Variants in ZPBP observed in about 807,000 individuals in gnomAD.
ZPBP encodes the protein zona pellucida-binding protein 1.
A neutral mutation model predicts 44.8 loss-of-function variants in ZPBP; 26 were observed. The observed-to-expected ratio is 0.58, with a 90% CI of 0.43 to 0.81. The LOEUF is 0.81. Among genes scored for constraint, ZPBP ranks in the 30% least tolerant of loss-of-function variants. ZPBP has a pLI of 0.00. For synonymous variants in ZPBP, 174 were observed against 153.2 expected (o/e 1.14, Z -1.00); for missense variants, 409 against 434.0 (o/e 0.94, Z 0.51).
At chr7:50,021,282 G>A (rs1258311824) in intron 5 of ZPBP, among the ~76,000 whole-genome samples, 2 of 151,958 alleles carry the variant, frequency 1.3e-5, no homozygotes, top group African/African-American at 4.8e-5. Flanking sequence ...GAACTAAATA[G>A]GGAAAATGAT....
At chr7:49,956,095 A>G (rs1397029023) in intron 7 of ZPBP, among the ~76,000 whole-genome samples, 1 of 152,182 alleles carries the variant, frequency 6.6e-6, no homozygotes, top group Admixed American at 6.5e-5. Context: ...TGAGTACTCT[A>G]AAAAGCAAAG....
At chr7:49,954,166 T>C (rs1199528188) in intron 7 of ZPBP, among the ~76,000 whole-genome samples, 1 of 152,144 alleles carries the variant, frequency 6.6e-6, no homozygotes, top group Admixed American at 6.5e-5. Flanking sequence ...TCATTATTTA[T>C]AAGGGTGCCA....
At chr7:49,967,919 A>G (rs961931516) in intron 7 of ZPBP, among the ~76,000 whole-genome samples, 5 of 152,144 alleles carry the variant, frequency 3.3e-5, no homozygotes, top group African/African-American at 9.7e-5. Context: ...ACCACAAGGC[A>G]GGTTGTGCTG....
At chr7:50,028,601 A>AC (rs1192093959) in intron 5 of ZPBP, among the ~76,000 whole-genome samples, 2 of 147,244 alleles carry the variant, frequency 1.4e-5, no homozygotes, top group African/African-American at 5.4e-5. Flanking sequence ...TCACACACAC[A>AC]AAAAAAACAC....
At chr7:49,870,865 CAACAAAACATATTAAT>C (rs1394149696) in intron 2 of ZPBP, among the ~76,000 whole-genome samples, 1 of 152,172 alleles carries the variant, frequency 6.6e-6, no homozygotes, top group Non-Finnish European at 1.5e-5. Context: ...AAGAAACCAT[CAACAAAACATATTAAT>C]AACAGGTGAA....
At chr7:49,857,948 A>T (rs1195759049) in intron 2 of ZPBP, among the ~76,000 whole-genome samples, 1 of 152,042 alleles carries the variant, frequency 6.6e-6, no homozygotes, top group African/African-American at 2.4e-5. Context: ...CAGAGATGAG[A>T]CCACACAGGC....
At chr7:49,872,186 G>A (rs2128723698) in intron 2 of ZPBP, among the ~76,000 whole-genome samples, 1 of 152,222 alleles carries the variant, frequency 6.6e-6, no homozygotes, top group South Asian at 2.1e-4. Flanking sequence ...AAATCCAGTT[G>A]ATTGGTCACA....
At chr7:49,996,724 C>G (rs781340469) in intron 6 of ZPBP, among the ~76,000 whole-genome samples, 1 of 152,114 alleles carries the variant, frequency 6.6e-6, no homozygotes, top group Non-Finnish European at 1.5e-5. Context: ...TTCATTTGAC[C>G]TGGAACTTTT....
chr7:50,081,348 A>G (rs760069525), intron 3 of ZPBP, among the ~76,000 whole-genome samples: 21 of 151,788 alleles, frequency 1.4e-4, no homozygotes, highest in Non-Finnish European at 3.0e-4. Context: ...AAAGCCAGCT[A>G]AGTTAACTGT....
At chr7:49,900,195 T>C (rs188311955) in intron 2 of ZPBP, among the ~76,000 whole-genome samples, 29 of 151,734 alleles carry the variant, frequency 1.9e-4, no homozygotes, top group African/African-American at 6.5e-4. Flanking sequence ...TTAGGGACAT[T>C]TGTAGCATTG....
chr7:49,980,325 T>G (rs1796784577), intron 7 of ZPBP, among the ~76,000 whole-genome samples: 1 of 134,202 alleles, frequency 7.5e-6, no homozygotes, highest in African/African-American at 2.8e-5. Context: ...ATATAATATA[T>G]AACATATATT....
intron 2 of ZPBP, among the ~76,000 whole-genome samples, chr7:49,851,081 G>A (rs1035332745): frequency 2.0e-5 from 3 of 152,146 alleles, no homozygotes; most frequent in South Asian, 2.1e-4. Context: ...AGGTTCCGAC[G>A]GCTGCTCCCT....
chr7:50,032,791 C>G (rs983164875), intron 4 of ZPBP, among the ~76,000 whole-genome samples: 2 of 152,192 alleles, frequency 1.3e-5, no homozygotes, highest in Non-Finnish European at 2.9e-5. Context: ...GGATGTGTTA[C>G]TGTTTATTCT....
chr7:50,061,998 A>G (rs1325010865), intron 3 of ZPBP, among the ~76,000 whole-genome samples: 1 of 152,248 alleles, frequency 6.6e-6, no homozygotes, highest in Non-Finnish European at 1.5e-5. Context: ...AAATCAATGT[A>G]TAAAAATCAG....
intron 1 of ZPBP, chr7:49,916,771 G>GCAGCTGTGAGTC: frequency 6.6e-6 from 1 of 152,192 alleles, no homozygotes; most frequent in Non-Finnish European, 1.5e-5. Context: ...TGCCAACCCA[G>GCAGCTGTGAGTC]TTGTCTTTTG....
intron 7 of ZPBP, among the ~76,000 whole-genome samples, chr7:49,967,255 T>G (rs1796099958): frequency 6.6e-6 from 1 of 152,222 alleles, no homozygotes; most frequent in Non-Finnish European, 1.5e-5. Flanking sequence ...CAAAGTTCCT[T>G]GGGATAACTG....
chr7:49,925,314 A>G (rs572299707), intron 1 of ZPBP, among the ~76,000 whole-genome samples: 2 of 152,304 alleles, frequency 1.3e-5, no homozygotes, highest in Non-Finnish European at 2.9e-5. Flanking sequence ...CAGGGGCCAG[A>G]TGGCACTAAT....
At chr7:50,046,866 T>C (rs1045813043) in intron 4 of ZPBP, among the ~76,000 whole-genome samples, 3 of 152,146 alleles carry the variant, frequency 2.0e-5, no homozygotes, top group South Asian at 4.1e-4. Flanking sequence ...TGCAGCATTA[T>C]TCACAATAGC....
At chr7:50,042,849 C>T (rs1051165655) in intron 4 of ZPBP, among the ~76,000 whole-genome samples, 2 of 152,184 alleles carry the variant, frequency 1.3e-5, no homozygotes, top group Admixed American at 1.3e-4. Flanking sequence ...AGGCTAAATG[C>T]CCCAATTAAA....
Sources: allele counts gnomAD v4.1 joint callset (sites outside exome capture counted in the v4.1 genomes callset), GRCh38; gene constraint gnomAD v4.1.1; transcripts MANE v1.5; gene names NCBI Gene and HGNC (gene_info 2026-07-23, HGNC 2026-07-21).